The following XKR9 variants were observed in gnomAD, a reference collection of about 807,000 sequenced individuals.
XKR9 encodes XK-related protein 9.
XKR9 carries 32 observed loss-of-function variants against 32.0 expected under a neutral mutation model. The observed-to-expected ratio is 1.00, with a 90% CI of 0.76 to 1.34. The LOEUF is 1.34. Among genes scored for constraint, XKR9 ranks in the 40% most tolerant of loss-of-function variants. The probability of loss-of-function intolerance (pLI) is 0.00; values close to 1 mark genes in which losing one functional copy is unlikely to be tolerated. For synonymous variants in XKR9, 168 were observed against 143.4 expected (o/e 1.17, Z -1.22); for missense variants, 546 against 429.7 (o/e 1.27, Z -2.39).
rs1455789052 is a variant in XKR9, at chr8:70,681,075, A to C, written c.17A>C (p.Gln6Pro). The change falls in exon 3 of 5, where the codon CAG becomes CCG. Residue 6 changes from glutamine to proline, a missense_variant. By Grantham distance (76) the Gln-to-Pro change is moderately conservative. Transcript: ENST00000408926. Reference protein sequence around the residue: MKYTKQNFMMSVLGII... With the variant: MKYTKPNFMMSVLGII... ...TCATTCGTAATGAAATATACTAAAC[A>C]GAATTTTATGATGTCAGTTCTTGGC... 1.9e-6 allele frequency: 3 copies of C among 1,612,040 alleles called. No individual in the cohort carries two copies. The highest frequency in any genetic ancestry group is 2.5e-6 in the Non-Finnish European group (3 of 1,178,798).
chr8:71,024,678 A>C, the XKR9 span, among the ~76,000 whole-genome samples: 1 of 152,158 alleles, frequency 6.6e-6, no homozygotes, highest in Non-Finnish European at 1.5e-5. Context: ...ACAAGAGTCC[A>C]TGGTAAGAAT....
At chr8:70,873,601 G>A in the XKR9 span, among the ~76,000 whole-genome samples, 1 of 152,346 alleles carries the variant, frequency 6.6e-6, no homozygotes, top group Non-Finnish European at 1.5e-5. Context: ...AGCCTGAGAT[G>A]TGACTGAATT....
At chr8:70,704,807 C>T (rs1314765081) in intron 3 of XKR9, among the ~76,000 whole-genome samples, 2 of 152,172 alleles carry the variant, frequency 1.3e-5, no homozygotes, top group Non-Finnish European at 2.9e-5. Context: ...AAGGCTAAAA[C>T]ACGACTTTTC....
the XKR9 span, among the ~76,000 whole-genome samples, chr8:70,917,966 T>C: frequency 6.6e-6 from 1 of 152,318 alleles, no homozygotes; most frequent in African/African-American, 2.4e-5. Flanking sequence ...ATAAGTACTC[T>C]TAAGTGTTGG....
At chr8:70,985,118 T>C in the XKR9 span, among the ~76,000 whole-genome samples, 1 of 152,188 alleles carries the variant, frequency 6.6e-6, no homozygotes, top group Non-Finnish European at 1.5e-5. Flanking sequence ...CAAAATGATA[T>C]TTAATATGAA....
chr8:70,734,208 G>C lies in XKR9; in HGVS notation c.906G>C (p.Leu302Phe), dbSNP rs375944197. ...IVRVLGTLGI[L>F]TVFWVCPLTI... The stretch of plus-strand genomic sequence containing the variant: ...GGGTACTGGGCACTTTGGGGATATT[G>C]ACTGTATTCTGGGTTTGCCCCCTCA... Residue 302 changes from leucine (L) to phenylalanine (F), a missense_variant, in exon 5 of 5, where the codon TTG (leucine) becomes TTC (phenylalanine). Physicochemically the swap from Leu to Phe is conservative, Grantham distance 22. Transcript: ENST00000408926. 5.6e-6 allele frequency: 9 copies of C among 1,613,344 alleles called. No homozygotes were observed. In the African/African-American group the frequency reaches 9.3e-5, roughly 17 times the overall value.
At chr8:70,975,913 T>G in the XKR9 span, among the ~76,000 whole-genome samples, 1 of 152,188 alleles carries the variant, frequency 6.6e-6, no homozygotes, top group Non-Finnish European at 1.5e-5. Context: ...CCTCTTTTAT[T>G]TCGTTGAGCA....
the XKR9 span, among the ~76,000 whole-genome samples, chr8:70,866,637 C>G: frequency 6.6e-6 from 1 of 151,712 alleles, no homozygotes; most frequent in African/African-American, 2.4e-5. Flanking sequence ...TCTAGTGCCA[C>G]CATGCCTGGC....
chr8:70,990,085 G>A, the XKR9 span, among the ~76,000 whole-genome samples: 1 of 152,076 alleles, frequency 6.6e-6, no homozygotes. Flanking sequence ...GGGCAAGCTG[G>A]GTAGCCTCCC....
the XKR9 span, among the ~76,000 whole-genome samples, chr8:70,896,143 T>A: frequency 6.6e-6 from 1 of 152,238 alleles, no homozygotes; most frequent in Non-Finnish European, 1.5e-5. Flanking sequence ...TACATCTATA[T>A]TCATAAAGAT....
chr8:70,970,481 C>G, the XKR9 span, among the ~76,000 whole-genome samples: 68 of 152,164 alleles, frequency 4.5e-4, 2 homozygotes, highest in Middle Eastern at 0.02. Flanking sequence ...TGCCCACCCC[C>G]CAACAGGCCC....
the XKR9 span, among the ~76,000 whole-genome samples, chr8:70,876,095 G>T: frequency 6.6e-6 from 1 of 151,984 alleles, no homozygotes; most frequent in Admixed American, 6.6e-5. Context: ...ATGAAATAAA[G>T]CATAACATAT....
At chr8:71,047,327 T>C in the XKR9 span, among the ~76,000 whole-genome samples, 1 of 152,256 alleles carries the variant, frequency 6.6e-6, no homozygotes, top group Non-Finnish European at 1.5e-5. Context: ...CCATCACTTA[T>C]TCCTTATTTG....
chr8:71,049,170 T>TG, the XKR9 span, among the ~76,000 whole-genome samples: 2 of 152,196 alleles, frequency 1.3e-5, no homozygotes, highest in Non-Finnish European at 2.9e-5. Context: ...CTTCATTTCC[T>TG]GGGGTAATTT....
the XKR9 span, among the ~76,000 whole-genome samples, chr8:70,902,952 G>C: frequency 6.6e-6 from 1 of 152,092 alleles, no homozygotes; most frequent in African/African-American, 2.4e-5. Flanking sequence ...GTATTGATTT[G>C]CATATGTTGA....
chr8:70,941,207 A>G, the XKR9 span, among the ~76,000 whole-genome samples: 1 of 151,796 alleles, frequency 6.6e-6, no homozygotes, highest in Non-Finnish European at 1.5e-5. Flanking sequence ...ATAAATATAT[A>G]AATAGAATTA....
the XKR9 span, among the ~76,000 whole-genome samples, chr8:70,852,756 C>T: frequency 1.3e-5 from 2 of 152,046 alleles, no homozygotes; most frequent in Non-Finnish European, 2.9e-5. Flanking sequence ...GAACAGAAAA[C>T]TAAACATCTC....
the XKR9 span, among the ~76,000 whole-genome samples, chr8:71,019,604 T>C: frequency 6.6e-6 from 1 of 152,218 alleles, no homozygotes; most frequent in Non-Finnish European, 1.5e-5. Flanking sequence ...TATTCTTTTA[T>C]GTTTTTGTTA....
At chr8:71,040,329 T>C in the XKR9 span, among the ~76,000 whole-genome samples, 1 of 152,196 alleles carries the variant, frequency 6.6e-6, no homozygotes, top group African/African-American at 2.4e-5. Context: ...ACATGTGGTA[T>C]TAGAGGCTCA....
Sources: gnomAD v4.1 joint callset for allele counts (sites outside exome capture counted in the v4.1 genomes callset) on GRCh38, gnomAD v4.1.1 for gene constraint, MANE v1.5 for transcripts, NCBI Gene and HGNC (gene_info 2026-07-23, HGNC 2026-07-21) for gene names.